Variants in SH3KBP1 observed in about 807,000 individuals in gnomAD.
The protein encoded by SH3KBP1 is SH3 domain-containing kinase-binding protein 1.
A neutral mutation model predicts 50.1 loss-of-function variants in SH3KBP1; 8 were observed. The observed-to-expected ratio is 0.16, with a 90% CI of 0.09 to 0.29. The LOEUF (loss-of-function observed/expected upper bound fraction) is 0.29, where lower values mean the gene tolerates loss of function less well. Among genes scored for constraint, SH3KBP1 ranks in the 10% least tolerant of loss-of-function variants. The probability of loss-of-function intolerance (pLI) is 1.00; values close to 1 mark genes in which losing one functional copy is unlikely to be tolerated. For missense variants in SH3KBP1, 377 were observed against 535.2 expected, an observed-to-expected ratio of 0.70 and a Z score of 2.92; for synonymous variants, 227 against 218.6, an observed-to-expected ratio of 1.04 and a Z score of -0.34.
chrX:19,631,722 A>C, intron 8 of SH3KBP1, 142 bp downstream of exon 8: 1 of 374,835 alleles, frequency 2.7e-6, no homozygotes, highest in Non-Finnish European at 4.8e-6. Flanking sequence ...AGCTTGATCA[A>C]AAGGAAAGAT....
At chrX:19,760,043 T>C (rs868086638) in intron 2 of SH3KBP1, among the ~76,000 whole-genome samples, 12 of 55,721 alleles carry the variant, frequency 2.2e-4, no homozygotes, top group Non-Finnish European at 3.4e-4. Flanking sequence ...TCTCTCTCCC[T>C]CTCTCTCTCT....
intron 1 of SH3KBP1, among the ~76,000 whole-genome samples, chrX:19,857,697 GGAC>G (rs2068682969): frequency 1.8e-5 from 2 of 110,541 alleles, no homozygotes; most frequent in Admixed American, 1.9e-4. Flanking sequence ...ATTCCAGCCT[GGAC>G]GACAGAGCAA....
chrX:19,880,980 T>C (rs184056069), intron 1 of SH3KBP1, among the ~76,000 whole-genome samples: 141 of 111,527 alleles, frequency 1.3e-3, no homozygotes, highest in African/African-American at 4.2e-3. Context: ...CCCGGTAAGA[T>C]CCATTTTGAA....
chrX:19,690,205 A>C (rs778001696), intron 5 of SH3KBP1, among the ~76,000 whole-genome samples: 247 of 110,198 alleles, frequency 2.2e-3, no homozygotes, highest in African/African-American at 7.6e-3. Flanking sequence ...GACCACAGGC[A>C]GATGCCACCA....
intron 6 of SH3KBP1, 147 bp from the exon 7 acceptor site, chrX:19,645,622 GC>G: frequency 4.5e-6 from 2 of 443,821 alleles, no homozygotes; most frequent in Non-Finnish European, 3.9e-6. Context: ...TATACTGGCT[GC>G]CCCCCTTTAA....
At chrX:19,826,571 T>C (rs1159370471) in intron 2 of SH3KBP1, among the ~76,000 whole-genome samples, 1 of 110,306 alleles carries the variant, frequency 9.1e-6, no homozygotes, top group African/African-American at 3.3e-5. Flanking sequence ...TAGTCCCAGT[T>C]ACTCGGGAGG....
In SH3KBP1 at chrX:19,793,305, G is replaced by GA. The variant is rs1276369664; in HGVS notation, c.162+42819dup. On this transcript the variant is annotated intron_variant, in intron 2 of 17. Transcript: ENST00000397821. Reference sequence around the variant, plus strand: ...AGAGCAAGCAAGACATTGTCTCAAGGAAAAAAAAATATATATATATATATA... The same window carrying GA: ...AGAGCAAGCAAGACATTGTCTCAAGGAAAAAAAAAATATATATATATATATA... Among the ~76,000 whole-genome samples the GA allele has an allele frequency of 9.2e-3, 867 of 94,513 alleles. 11 individuals are homozygous for GA. The highest frequency in any genetic ancestry group is 0.025 in the African/African-American group (594 of 23,667). The allele number at this position is 94,513 out of a possible 115,157, so 82.1% of individuals were successfully genotyped here.
chrX:19,571,277 G>A (rs1342527168), intron 12 of SH3KBP1, among the ~76,000 whole-genome samples: 2 of 111,994 alleles, frequency 1.8e-5, no homozygotes, highest in Admixed American at 9.4e-5. Context: ...ACTTGGAAAG[G>A]AGAAGCAGCT....
chrX:19,566,753 A>T (rs1368521840), intron 13 of SH3KBP1, among the ~76,000 whole-genome samples: 2 of 112,072 alleles, frequency 1.8e-5, no homozygotes, highest in African/African-American at 6.5e-5. Context: ...ATGCTTCCTG[A>T]CTGGGCTTCT....
At chrX:19,819,147 G>A (rs1306720938) in intron 2 of SH3KBP1, among the ~76,000 whole-genome samples, 1 of 111,604 alleles carries the variant, frequency 9.0e-6, no homozygotes, top group African/African-American at 3.3e-5. Flanking sequence ...GTAGTTTGTA[G>A]TTTTCAGGGA....
chrX:19,710,836 C>T (rs748093050), intron 3 of SH3KBP1, among the ~76,000 whole-genome samples: 3 of 110,689 alleles, frequency 2.7e-5, no homozygotes, highest in African/African-American at 6.6e-5. Context: ...CCACAATAGC[C>T]GATCTAATGA....
At chrX:19,655,207 T>C (rs1298688554) in intron 6 of SH3KBP1, among the ~76,000 whole-genome samples, 2 of 111,579 alleles carry the variant, frequency 1.8e-5, no homozygotes, top group Admixed American at 9.5e-5. Context: ...AAAATGAAGG[T>C]TGGATTCAAT....
intron 2 of SH3KBP1, among the ~76,000 whole-genome samples, chrX:19,773,494 AACACACAC>A (rs749894154): frequency 2.9e-4 from 27 of 94,490 alleles, no homozygotes; most frequent in Admixed American, 3.5e-4. Context: ...CACACACACA[AACACACAC>A]ACACACACAC....
chrX:19,769,633 C>T (rs1208256812), intron 2 of SH3KBP1, among the ~76,000 whole-genome samples: 2 of 110,928 alleles, frequency 1.8e-5, no homozygotes, highest in South Asian at 7.6e-4. Flanking sequence ...TAATAAGCCA[C>T]AAGATTGAAC....
intron 16 of SH3KBP1, among the ~76,000 whole-genome samples, chrX:19,541,206 C>T (rs1325726283): frequency 2.7e-5 from 3 of 112,306 alleles, no homozygotes; most frequent in Non-Finnish European, 5.6e-5. Flanking sequence ...CATGAGCCAC[C>T]ATGCCCATTC....
intron 12 of SH3KBP1, among the ~76,000 whole-genome samples, 162 bp from the exon 13 acceptor site, chrX:19,569,350 G>A (rs887572395): frequency 8.9e-6 from 1 of 112,566 alleles, no homozygotes; most frequent in Admixed American, 9.4e-5. Context: ...AGCCACATGA[G>A]ATGGGGTGCA....
chrX:19,703,322 TA>T (rs372118373), intron 4 of SH3KBP1, among the ~76,000 whole-genome samples: 2,229 of 103,712 alleles, frequency 0.021, 49 homozygotes, highest in African/African-American at 0.063. Flanking sequence ...TCTGAATGTT[TA>T]AAAAAAAAAA....
intron 13 of SH3KBP1, among the ~76,000 whole-genome samples, chrX:19,560,420 A>G (rs1332715100): frequency 3.6e-5 from 4 of 112,019 alleles, no homozygotes; most frequent in Non-Finnish European, 5.6e-5. Context: ...GGACAGGGTT[A>G]GAGAAACATA....
At chrX:19,567,822 C>G (rs759539712) in intron 13 of SH3KBP1, among the ~76,000 whole-genome samples, 1 of 109,223 alleles carries the variant, frequency 9.2e-6, no homozygotes, top group South Asian at 3.8e-4. Context: ...ATTCAGCCTT[C>G]TATATTATGT....
Sources: gnomAD v4.1 joint callset for allele counts (sites outside exome capture counted in the v4.1 genomes callset) on GRCh38, gnomAD v4.1.1 for gene constraint, MANE v1.5 for transcripts, NCBI Gene and HGNC (gene_info 2026-07-23, HGNC 2026-07-21) for gene names.